The following HYDIN variants were observed in gnomAD, a reference collection of about 807,000 sequenced individuals.
HYDIN encodes HYDIN axonemal central pair apparatus protein.
In HYDIN, 132 loss-of-function variants were observed where a neutral mutation model predicts 403.9. The observed-to-expected ratio is 0.33, with a 90% CI of 0.28 to 0.38. The LOEUF (loss-of-function observed/expected upper bound fraction) is 0.38, where lower values mean the gene tolerates loss of function less well. Among genes scored for constraint, HYDIN ranks in the 10% least tolerant of loss-of-function variants. HYDIN has a pLI of 1.00. For missense variants in HYDIN, 2,827 were observed against 5,009.5 expected, an observed-to-expected ratio of 0.56 and a Z score of 13.15; for synonymous variants, 1,202 against 1,891.7, an observed-to-expected ratio of 0.64 and a Z score of 9.46.
At chr16:71,227,271 A>G (rs1335474287) in intron 1 of HYDIN, among the ~76,000 whole-genome samples, 1 of 152,162 alleles carries the variant, frequency 6.6e-6, no homozygotes, top group African/African-American at 2.4e-5. Flanking sequence ...ATGTTATTCA[A>G]CATCATTAAT....
Position 70,849,455 on chromosome 16 carries a change from C to T in HYDIN, c.12873+271G>A, listed in dbSNP as rs186795423. On this transcript the variant is annotated intron_variant, in intron 75 of 85. Coordinates refer to ENST00000393567, the MANE Select transcript of HYDIN (RefSeq NM_001270974.2). ...ATAATCCATCTTAGAAAACGTTGTACATATTCTTTCCCTGCCCCATCTATC... is the reference window on the plus strand; with the variant it reads ...ATAATCCATCTTAGAAAACGTTGTATATATTCTTTCCCTGCCCCATCTATC... 8.3e-4 allele frequency among the ~76,000 whole-genome samples: 126 copies of T among 152,032 alleles called. 1 individual carries two copies. Among genetic ancestry groups the T allele is most frequent in the African/African-American group, 2.8e-3 (116 of 41,480 alleles).
At chr16:70,826,978 C>T (rs2143489262) in intron 83 of HYDIN, among the ~76,000 whole-genome samples, 1 of 62,134 alleles carries the variant, frequency 1.6e-5, no homozygotes. Flanking sequence ...ATTATTTGAG[C>T]AATGCCCATC....
At chr16:70,956,098 G>A (rs925754998) in intron 39 of HYDIN, among the ~76,000 whole-genome samples, 6 of 152,142 alleles carry the variant, frequency 3.9e-5, no homozygotes, top group African/African-American at 1.4e-4. Context: ...GGGATTACAG[G>A]TGTCAGCCAC....
intron 84 of HYDIN, among the ~76,000 whole-genome samples, chr16:70,811,890 T>C (rs968802852): frequency 8.5e-6 from 1 of 117,180 alleles, no homozygotes; most frequent in Non-Finnish European, 1.7e-5. Context: ...CAAGAACATA[T>C]AGAAAATCCA....
Position 71,184,887 on chromosome 16 carries a change from A to G in HYDIN, c.239T>C (p.Met80Thr). 1 of 1,608,196 alleles carries G rather than the reference A, an allele frequency of 6.2e-7. No homozygotes were observed. Among genetic ancestry groups the G allele is most frequent in the East Asian group, 2.2e-5 (1 of 44,766 alleles). The change falls in exon 3 of 86, where the codon ATG becomes ACG. Residue 80 changes from methionine (M) to threonine (T), a missense_variant. By Grantham distance (81) the Met-to-Thr change is moderately conservative. Transcript: ENST00000393567. ...CRPQIIELLDMGETTHQKFSG... is the reference protein window; with the variant it reads ...CRPQIIELLDTGETTHQKFSG... ...TACCTTCTGATGTGTTGTTTCCCCC[A>G]TATCTAAGAGTTCGATGATCTGTGG... is the stretch of plus-strand genomic sequence containing the variant.
intron 1 of HYDIN, among the ~76,000 whole-genome samples, chr16:71,202,285 T>C (rs928709248): frequency 1.3e-5 from 2 of 152,252 alleles, no homozygotes; most frequent in African/African-American, 4.8e-5. Flanking sequence ...ATGAATGCTA[T>C]GCAATTCATA....
rs776654748 is a variant in HYDIN at position 70,964,715 on chromosome 16, A to G, written c.5788+13T>C. On this transcript the variant is annotated intron_variant, in intron 37 of 85. Coordinates refer to ENST00000393567, the MANE Select transcript of HYDIN (RefSeq NM_001270974.2). The stretch of plus-strand genomic sequence containing the variant: ...ATGGTTAGCATGAGGTGTTCTCCAC[A>G]TTGAGTTCTCACCATTCTCCTGTGC... 7 of 1,612,402 alleles carry G rather than the reference A, an allele frequency of 4.3e-6. No individual in the cohort carries two copies. Among genetic ancestry groups the G allele is most frequent in the African/African-American group, 1.3e-5 (1 of 74,836 alleles).
intron 14 of HYDIN, 55 bp from the exon 15 acceptor site, chr16:71,067,445 G>C (rs902251775): frequency 4.7e-6 from 5 of 1,071,316 alleles, no homozygotes; most frequent in Non-Finnish European, 7.1e-6. Context: ...CTCTCTACAC[G>C]GGGGAGGGGA....
At chr16:70,938,556 C>T in intron 44 of HYDIN, 58 bp downstream of exon 44, 1 of 1,164,154 alleles carries the variant, frequency 8.6e-7, no homozygotes. Flanking sequence ...GTCCTGGTCA[C>T]TCTGTGGGGA....
At chr16:71,212,593 A>G (rs1037574407) in intron 1 of HYDIN, among the ~76,000 whole-genome samples, 2 of 152,198 alleles carry the variant, frequency 1.3e-5, no homozygotes, top group Non-Finnish European at 2.9e-5. Flanking sequence ...GTATATTTTA[A>G]ATGGCTGAAG....
chr16:70,857,050 T>C (rs377453754), intron 72 of HYDIN, among the ~76,000 whole-genome samples: 20 of 143,246 alleles, frequency 1.4e-4, no homozygotes, highest in African/African-American at 5.3e-4. Context: ...GACATGACAA[T>C]TACTTCGTTT....
chr16:71,020,875 C>T (rs1939793304), intron 21 of HYDIN, among the ~76,000 whole-genome samples: 1 of 148,028 alleles, frequency 6.8e-6, no homozygotes, highest in Non-Finnish European at 1.5e-5. Flanking sequence ...CTACATAACC[C>T]AGACAACACA....
intron 84 of HYDIN, among the ~76,000 whole-genome samples, chr16:70,813,389 A>G (rs1315989112): frequency 6.6e-6 from 1 of 152,056 alleles, no homozygotes; most frequent in Non-Finnish European, 1.5e-5. Flanking sequence ...GCCAGCAGGG[A>G]GCTAAGGCCT....
At chr16:71,036,099 T>C (rs1407020111) in intron 18 of HYDIN, among the ~76,000 whole-genome samples, 11 of 152,364 alleles carry the variant, frequency 7.2e-5, no homozygotes, top group African/African-American at 2.4e-4. Context: ...CACATCCTCA[T>C]ATCTTCCCCC....
chr16:71,222,923 G>C (rs75233643), intron 1 of HYDIN, among the ~76,000 whole-genome samples: 1 of 151,356 alleles, frequency 6.6e-6, no homozygotes, highest in Non-Finnish European at 1.5e-5. Flanking sequence ...TACCCAAAGC[G>C]ATTCCCATCA....
intron 12 of HYDIN, 78 bp from the exon 13 acceptor site, chr16:71,080,030 A>T (rs1597728740): frequency 3.1e-6 from 2 of 636,506 alleles, no homozygotes; most frequent in African/African-American, 3.7e-5. Context: ...TAGGGCAAGG[A>T]TAAGTACAAA....
At position 70,829,878 on chromosome 16, in the gene HYDIN, C is replaced by T. The variant is rs367719680; in HGVS notation, c.13900-48G>A. Reference sequence around the variant, plus strand: ...TCTTCCATGGCACTTCCCCCTGGTCCGTCTCCAGGGCCAGAAGTACAGAAT... The same window carrying T: ...TCTTCCATGGCACTTCCCCCTGGTCTGTCTCCAGGGCCAGAAGTACAGAAT... On this transcript the variant is annotated intron_variant, in intron 80 of 85. Coordinates refer to ENST00000393567, the MANE Select transcript of HYDIN (RefSeq NM_001270974.2). 261 of 1,533,000 alleles carry T rather than the reference C, an allele frequency of 1.7e-4. No homozygotes were observed. The Middle Eastern group carries it at 2.1e-3, about 12-fold the overall frequency. 95.0% of individuals were successfully genotyped at this position (1,533,000 alleles called of 1,614,324 possible). A position where few individuals can be genotyped will look rare whatever the true frequency, so the allele number is the denominator to read the frequency against.
intron 58 of HYDIN, among the ~76,000 whole-genome samples, chr16:70,888,296 G>T (rs1206238181): frequency 6.6e-6 from 1 of 152,212 alleles, no homozygotes; most frequent in African/African-American, 2.4e-5. Context: ...GGACATTTTG[G>T]GTGTTATGCT....
At chr16:70,954,752 T>C (rs1485992870) in intron 40 of HYDIN, among the ~76,000 whole-genome samples, 3 of 152,214 alleles carry the variant, frequency 2.0e-5, no homozygotes, top group South Asian at 4.1e-4. Flanking sequence ...CTTCCTATTG[T>C]GATTTTCTGA....
Sources: gnomAD v4.1 joint callset for allele counts (sites outside exome capture counted in the v4.1 genomes callset) on GRCh38, gnomAD v4.1.1 for gene constraint, MANE v1.5 for transcripts, NCBI Gene and HGNC (gene_info 2026-07-23, HGNC 2026-07-21) for gene names.